CPSF4: variants seen among roughly 807,000 people sequenced by gnomAD.
CPSF4 encodes cleavage and polyadenylation specificity factor subunit 4.
A neutral mutation model predicts 37.7 loss-of-function variants in CPSF4; 11 were observed. The observed-to-expected ratio is 0.29, with a 90% CI of 0.18 to 0.48. CPSF4 has a LOEUF of 0.48. Ranked by LOEUF, CPSF4 falls within the 20% of genes least tolerant of loss-of-function variation. CPSF4 has a pLI of 0.99. For synonymous variants in CPSF4, 132 were observed against 135.9 expected (o/e 0.97, Z 0.20); for missense variants, 144 against 359.5 (o/e 0.40, Z 4.85).
rs189515327 is a variant in CPSF4, at chr7:99,447,339, G to A, written c.155-782G>A. ...GCTGGAGTGCAATGGCGTGATCTCC[G>A]GTCACTGCAACCTCCGCCTCCTGGG... On this transcript the variant is annotated intron_variant, in intron 2 of 7. Transcript: ENST00000292476. Among the ~76,000 whole-genome samples the A allele has an allele frequency of 6.0e-4, 89 of 147,978 alleles. 1 individual carries two copies. In the East Asian group the frequency reaches 0.016, roughly 26 times the overall value.
intron 1 of CPSF4, among the ~76,000 whole-genome samples, chr7:99,440,262 C>T (rs1176975699): frequency 2.0e-5 from 3 of 151,612 alleles, no homozygotes; most frequent in Non-Finnish European, 2.9e-5. Flanking sequence ...GGTCTCCCAC[C>T]GCTCCCAGCA....
chr7:99,447,952 C>T (rs1197436858), intron 2 of CPSF4, 169 bp from the exon 3 acceptor site: 6 of 644,494 alleles, frequency 9.3e-6, no homozygotes, highest in Non-Finnish European at 1.7e-5. Flanking sequence ...AGTGTAGTAC[C>T]TCAAATCATG....
chr7:99,439,146 C>T lies in CPSF4; in HGVS notation c.64C>T (p.Gln22Ter). The change falls in exon 1 of 8, where the codon CAG becomes TAG. Residue 22 changes from glutamine (Q) to a stop codon, truncating the protein, a stop_gained. Transcript: ENST00000292476. LOFTEE classifies it high-confidence loss of function. The part of the protein sequence containing the change: ...KFDLEIAVEQ[Q>*]LGAQPLPFPG... The stretch of plus-strand genomic sequence containing the variant: ...TGACTTGGAGATCGCGGTGGAGCAG[C>T]AGCTGGGGGCGCAGCCGCTGCCCTT... 6.2e-7 allele frequency: 1 copy of T among 1,609,844 alleles called. No individual in the cohort carries two copies. The highest frequency in any genetic ancestry group is 8.5e-7 in the Non-Finnish European group (1 of 1,179,210).
intron 1 of CPSF4, 61 bp from the exon 2 acceptor site, chr7:99,444,728 A>C (rs908930328): frequency 1.4e-5 from 21 of 1,508,816 alleles, no homozygotes; most frequent in South Asian, 1.2e-4. Context: ...CACTGTCTTC[A>C]GACATTGTCA....
At chr7:99,443,060 T>G in intron 1 of CPSF4, 1 of 1,059,874 alleles carries the variant, frequency 9.4e-7, no homozygotes, top group Non-Finnish European at 1.5e-6. Flanking sequence ...TTTGAGCTCT[T>G]TCCTTCGGCT....
At position 99,450,384 on chromosome 7, in the gene CPSF4, G is replaced by GGCCCAGCCCACCC; in HGVS notation, c.403+13_403+14insGCCCAGCCCACCC. On this transcript the variant is annotated intron_variant, in intron 4 of 7. Coordinates refer to ENST00000292476, the MANE Select transcript of CPSF4 (RefSeq NM_006693.4). ...TTCTGCAAGCACGGTAGGTGCCAGGGTGGGCTGGGCCCCGGGCAAGAAGCC... is the reference window on the plus strand; with the variant it reads ...TTCTGCAAGCACGGTAGGTGCCAGGGGCCCAGCCCACCCTGGGCTGGGCCCCGGGCAAGAAGCC... The GGCCCAGCCCACCC allele has an allele frequency of 6.3e-7, 1 of 1,595,164 alleles. No individual in the cohort carries two copies.
At chr7:99,452,258 G>C in intron 5 of CPSF4, 110 bp from the exon 6 acceptor site, 1 of 904,698 alleles carries the variant, frequency 1.1e-6, no homozygotes, top group African/African-American at 1.6e-5. Context: ...TGGGGCAGCT[G>C]AGTGTGATTT....
chr7:99,451,075 C>T (rs1452852253), intron 5 of CPSF4: 1 of 342,324 alleles, frequency 2.9e-6, no homozygotes, highest in Admixed American at 4.4e-5. Context: ...TGTAGCCTTG[C>T]ATATCATTTA....
chr7:99,440,655 C>CGCGCATATATATATATATAT (rs1363427698), intron 1 of CPSF4, among the ~76,000 whole-genome samples: 1 of 90,634 alleles, frequency 1.1e-5, no homozygotes, highest in African/African-American at 8.5e-5. Flanking sequence ...CTGCACCTGG[C>CGCGCATATATATATATATAT]ATATATATAT....
At chr7:99,444,305 A>C (rs1346987393) in intron 1 of CPSF4, among the ~76,000 whole-genome samples, 1 of 152,056 alleles carries the variant, frequency 6.6e-6, no homozygotes, top group Non-Finnish European at 1.5e-5. Flanking sequence ...AAAAATACAA[A>C]AATTAGCCAA....
chr7:99,442,349 CT>C (rs754528809), intron 1 of CPSF4, among the ~76,000 whole-genome samples: 9 of 151,722 alleles, frequency 5.9e-5, no homozygotes, highest in African/African-American at 2.2e-4. Context: ...CTTTTCTTTT[CT>C]TTTTTATTAA....
At chr7:99,454,681 T>A (rs1798181550) in intron 7 of CPSF4, among the ~76,000 whole-genome samples, 1 of 152,166 alleles carries the variant, frequency 6.6e-6, no homozygotes. Flanking sequence ...TTGACGTTAT[T>A]AATGGGCCCT....
Position 99,450,331 on chromosome 7 carries a change from C to A in CPSF4, c.363C>A (p.Ile121=), listed in dbSNP as rs367947029. The change falls in exon 4 of 8, where the codon ATC becomes ATA. Residue 121 remains isoleucine (I), a synonymous_variant. Coordinates refer to ENST00000292476, the MANE Select transcript of CPSF4 (RefSeq NM_006693.4). Reference sequence around the variant, plus strand: ...TGCACATCGACCCCGAGTCCAAGATCAAGGACTGTCCTTGGTATGACCGTG... The same window carrying A: ...TGCACATCGACCCCGAGTCCAAGATAAAGGACTGTCCTTGGTATGACCGTG... ...PFLHIDPESK[I]KDCPWYDRGF... is the part of the protein sequence containing the mutation. The A allele has an allele frequency of 1.5e-5, 24 of 1,613,852 alleles. No homozygotes were observed. The highest frequency in any genetic ancestry group is 1.3e-5 in the African/African-American group (1 of 74,930).
chr7:99,441,378 G>A (rs1225207252), intron 1 of CPSF4: 3 of 456,160 alleles, frequency 6.6e-6, no homozygotes, highest in Non-Finnish European at 1.3e-5. Flanking sequence ...CAGTGGCGAG[G>A]GGCCCACATA....
chr7:99,452,376 T>C lies in CPSF4; in HGVS notation c.506T>C (p.Phe169Ser). Residue 169 changes from phenylalanine (F) to serine (S), a missense_variant, in exon 6 of 8, where the codon TTT becomes TCT. Around this residue, in one of 4 missense-constraint regions of CPSF4, gnomAD observed 86 missense variants for 141.5 expected, o/e 0.61. Transcript: ENST00000292476. ...GPSCKFMHPR[F>S]ELPMGTTEQP... Reference sequence around the variant, plus strand: ...TGGCTGCTGGTGACCAGCCCTCGATTTGAACTGCCCATGGGAACCACCGAG... The same window carrying C: ...TGGCTGCTGGTGACCAGCCCTCGATCTGAACTGCCCATGGGAACCACCGAG... 6.2e-7 allele frequency: 1 copy of C among 1,613,910 alleles called. No individual in the cohort carries two copies. Among genetic ancestry groups the C allele is most frequent in the Non-Finnish European group, 8.5e-7 (1 of 1,179,926 alleles).
At chr7:99,440,674 A>ATTTTTTTTTTTT (rs1195402168) in intron 1 of CPSF4, among the ~76,000 whole-genome samples, 11 of 88,078 alleles carry the variant, frequency 1.2e-4, no homozygotes, top group African/African-American at 3.9e-4. Context: ...ATATATATAT[A>ATTTTTTTTTTTT]TTTTTTTTTT....
chr7:99,452,802 C>A, intron 6 of CPSF4: 1 of 222,114 alleles, frequency 4.5e-6, no homozygotes, highest in Non-Finnish European at 9.0e-6. Context: ...TGGGTCAGAC[C>A]CTTTATTTTG....
chr7:99,442,966 C>T (rs766311403), intron 1 of CPSF4: 2 of 1,593,710 alleles, frequency 1.3e-6, no homozygotes, highest in Non-Finnish European at 1.7e-6. Context: ...GAACTTGTGA[C>T]AATCCCAAAT....
intron 2 of CPSF4, 80 bp downstream of exon 2, chr7:99,444,919 A>C: frequency 3.2e-6 from 4 of 1,250,174 alleles, no homozygotes; most frequent in South Asian, 1.2e-5. Context: ...GGAGGCCGCC[A>C]GGTCTCTGGC....
Sources: allele counts gnomAD v4.1 joint callset (sites outside exome capture counted in the v4.1 genomes callset), GRCh38; gene constraint gnomAD v4.1.1; regional missense constraint gnomAD v4.1.1; transcripts MANE v1.5; gene names NCBI Gene and HGNC (gene_info 2026-07-23, HGNC 2026-07-21).